The following CCNL2 variants were observed in gnomAD, a reference collection of about 807,000 sequenced individuals.
CCNL2 encodes the protein cyclin L2, also known as cyclin-L2.
In CCNL2, 28 loss-of-function variants were observed where a neutral mutation model predicts 59.1. The ratio of observed to expected loss-of-function variants is 0.47; its 90% confidence interval spans 0.35 to 0.65. The LOEUF (loss-of-function observed/expected upper bound fraction) is 0.65, where lower values mean the gene tolerates loss of function less well. Ranked by LOEUF, CCNL2 falls within the 30% of genes least tolerant of loss-of-function variation. The pLI is 0.00. For missense variants in CCNL2, 714 were observed against 717.4 expected, an observed-to-expected ratio of 1.00 and a Z score of 0.05; for synonymous variants, 342 against 288.6, an observed-to-expected ratio of 1.19 and a Z score of -1.88.
intron 4 of CCNL2, among the ~76,000 whole-genome samples, chr1:1,393,995 G>A (rs1471223542): frequency 1.3e-5 from 2 of 152,000 alleles, no homozygotes; most frequent in South Asian, 2.1e-4. Flanking sequence ...GCATGGTGGT[G>A]CACGCCTGTA....
At chr1:1,389,924 A>G (rs1016145625) in intron 8 of CCNL2, among the ~76,000 whole-genome samples, 10 of 152,164 alleles carry the variant, frequency 6.6e-5, no homozygotes, top group Non-Finnish European at 1.2e-4. Flanking sequence ...GCGCCACTGC[A>G]CTCCAGCCTG....
At position 1,391,247 on chromosome 1, in the gene CCNL2, T is replaced by A; in HGVS notation, c.660-382A>T. ...ACTGGAGTCACTAAAACGCTTTTGA[T>A]TAAAGAAATCTAAATGCTCAAAATC... is the stretch of plus-strand genomic sequence containing the variant. On this transcript the variant is annotated intron_variant, in intron 5 of 10. Transcript: ENST00000400809. 5 of 1,101,672 alleles carry A rather than the reference T, an allele frequency of 4.5e-6. No homozygotes were observed. The South Asian group carries it at 1.2e-4, about 26-fold the overall frequency. 68.2% of individuals were successfully genotyped at this position (1,101,672 alleles called of 1,614,324 possible). A position where few individuals can be genotyped will look rare whatever the true frequency, so the allele number is the denominator to read the frequency against.
In CCNL2 at chr1:1,387,065, T is replaced by C; in HGVS notation, c.*166A>G. On this transcript the variant is annotated 3_prime_UTR_variant, in exon 11 of 11. Coordinates refer to ENST00000400809, the MANE Select transcript of CCNL2 (RefSeq NM_030937.6). ...CCGGTCCCTCAGTTCCATTTCCAAA[T>C]CCACCAAGGTCCAGTCGACAGACAT... is the stretch of plus-strand genomic sequence containing the variant. The C allele has an allele frequency of 1.7e-6, 1 of 591,626 alleles. No individual in the cohort carries two copies. The highest frequency in any genetic ancestry group is 2.9e-6 in the Non-Finnish European group (1 of 341,706). 36.6% of individuals were successfully genotyped at this position (591,626 alleles called of 1,614,324 possible). A position where few individuals can be genotyped will look rare whatever the true frequency, so the allele number is the denominator to read the frequency against.
chr1:1,390,366 A>T lies in CCNL2; in HGVS notation c.870T>A (p.Asp290Glu). The T allele has an allele frequency of 6.2e-7, 1 of 1,612,496 alleles. No individual in the cohort carries two copies. Among genetic ancestry groups the T allele is most frequent in the Non-Finnish European group, 8.5e-7 (1 of 1,178,646 alleles). ...CCACTTCACCCTCCAGGTGTGTGAG[A>T]TCAACCTGCAAAAGCCAGAAGGTGT... is the stretch of plus-strand genomic sequence containing the variant. The part of the protein sequence containing the change: ...ILQLYARKKV[D>E]LTHLEGEVEK... Residue 290 changes from aspartate (D) to glutamate (E), a missense_variant, in exon 8 of 11, where the codon GAT (aspartate) becomes GAA (glutamate). This residue lies in a region of CCNL2 where 403 missense variants were observed against 377.7 expected (regional missense o/e 1.07). Transcript: ENST00000400809.
intron 5 of CCNL2, 28 bp from the exon 6 acceptor site, chr1:1,390,893 A>G: frequency 6.3e-7 from 1 of 1,582,106 alleles, no homozygotes; most frequent in Non-Finnish European, 8.7e-7. Context: ...GAAGAACTGC[A>G]ATGCCCCACC....
At chr1:1,394,176 T>C (rs927413251) in intron 4 of CCNL2, among the ~76,000 whole-genome samples, 3 of 150,092 alleles carry the variant, frequency 2.0e-5, no homozygotes, top group East Asian at 3.9e-4. Flanking sequence ...TGTGGATAAT[T>C]TGAACAGATG....
rs775369641 is a variant in CCNL2 at position 1,393,425 on chromosome 1, C to T, written c.630G>A (p.Glu210=). ...IVMYLQVLEC[E]RNQHLVQTSW... ...AGGTCTGGACCAGGTGTTGGTTACG[C>T]TCACACTCTAACACCTGAAGGTACA... The change falls in exon 5 of 11, where the codon GAG becomes GAA. Residue 210 remains glutamate (E), a synonymous_variant. Coordinates refer to ENST00000400809, the MANE Select transcript of CCNL2 (RefSeq NM_030937.6). 5.6e-6 allele frequency: 9 copies of T among 1,614,170 alleles called. 1 individual carries two copies. Among genetic ancestry groups the T allele is most frequent in the East Asian group, 2.2e-5 (1 of 44,888 alleles).
Position 1,386,227 on chromosome 1 carries a change from C to T in CCNL2, c.*1004G>A, listed in dbSNP as rs959294888. 1 of 152,262 alleles carries T rather than the reference C, an allele frequency of 6.6e-6. No homozygotes were observed. The highest frequency in any genetic ancestry group is 2.1e-4 in the South Asian group (1 of 4,828). 9.4% of individuals were successfully genotyped at this position (152,262 alleles called of 1,614,324 possible). On this transcript the variant is annotated 3_prime_UTR_variant, in exon 11 of 11. Transcript: ENST00000400809. ...GTTACAAACCAGTCCCCCTCAGGAA[C>T]GAGAGCACCTTGGAATCATTCTGTG...
chr1:1,393,752 G>C (rs1644866543), intron 4 of CCNL2, among the ~76,000 whole-genome samples: 1 of 152,308 alleles, frequency 6.6e-6, no homozygotes, highest in African/African-American at 2.4e-5. Context: ...CCACCAGTGA[G>C]GTTGGCCTGT....
rs1232949119 is a variant in CCNL2, at chr1:1,386,015, A to G, written c.*1216T>C. ...CCACTAGCCCCGGCCTATATGTCCC[A>G]CTGCCCTAGTAAGTCCAAACGGTAC... On this transcript the variant is annotated 3_prime_UTR_variant, in exon 11 of 11. Transcript: ENST00000400809. 2.0e-5 allele frequency: 3 copies of G among 152,180 alleles called. No homozygotes were observed. The highest frequency in any genetic ancestry group is 4.4e-5 in the Non-Finnish European group (3 of 68,030). The allele number at this position is 152,180 out of a possible 1,614,324, so 9.4% of individuals were successfully genotyped here.
In CCNL2 at chr1:1,399,087, CTG is replaced by C; in HGVS notation, c.218_219del (p.Thr73ArgfsTer98). ...PSMSSGLDTDTETDLRVVGCE... is the reference protein window; with the variant it reads ...PSMSSGLDTDXETDLRVVGCE... ...CAGCCCACCACGCGGAGGTCGGTCT[CTG>C]TGTCGGTGTCGAGGCCGCTCGACAT... On this transcript the variant is annotated frameshift_variant, in exon 1 of 11. Transcript: ENST00000400809. LOFTEE classifies it high-confidence loss of function. 1.9e-6 allele frequency: 3 copies of C among 1,611,726 alleles called. No individual in the cohort carries two copies. Among genetic ancestry groups the C allele is most frequent in the Non-Finnish European group, 2.5e-6 (3 of 1,179,404 alleles).
chr1:1,391,408 G>A (rs1644754909), intron 5 of CCNL2: 1 of 1,191,630 alleles, frequency 8.4e-7, no homozygotes, highest in African/African-American at 1.6e-5. Context: ...CTTCTCTGCT[G>A]ACCGAGCTGC....
chr1:1,387,423 C>T lies in CCNL2; in HGVS notation c.1371G>A (p.Lys457=). Residue 457 remains lysine (K), a synonymous_variant, in exon 11 of 11, where the codon AAG becomes AAA. Coordinates refer to ENST00000400809, the MANE Select transcript of CCNL2 (RefSeq NM_030937.6). ...RKSKDCKYPQ[K]PHKSRSRSSS... ...AACTCCGGCTCCGAGACTTGTGTGG[C>T]TTCTGGGGGTACTTGCAGTCCTTGG... The T allele has an allele frequency of 6.2e-7, 1 of 1,613,848 alleles. No homozygotes were observed. Among genetic ancestry groups the T allele is most frequent in the Non-Finnish European group, 8.5e-7 (1 of 1,179,976 alleles).
intron 3 of CCNL2, among the ~76,000 whole-genome samples, chr1:1,396,569 CTG>C (rs1645035582): frequency 8.8e-6 from 1 of 114,280 alleles, no homozygotes; most frequent in African/African-American, 3.6e-5. Flanking sequence ...CTCGGCAAGG[CTG>C]TTTTTTTTTT....
intron 5 of CCNL2, chr1:1,391,355 T>A: frequency 8.6e-7 from 1 of 1,169,350 alleles, no homozygotes; most frequent in Non-Finnish European, 1.1e-6. Flanking sequence ...GCCATCCTCT[T>A]GGGTTCCTCT....
At chr1:1,391,244 T>A in intron 5 of CCNL2, 1 of 1,102,570 alleles carries the variant, frequency 9.1e-7, no homozygotes. Context: ...AAAACGCTTT[T>A]GATTAAAGAA....
intron 1 of CCNL2, 34 bp downstream of exon 1, chr1:1,398,985 T>G (rs745802105): frequency 7.7e-5 from 120 of 1,564,704 alleles, no homozygotes; most frequent in Middle Eastern, 1.9e-4. Flanking sequence ...CCCCAGCGGT[T>G]ACCTGGGCCG....
intron 8 of CCNL2, 104 bp downstream of exon 8, chr1:1,390,126 A>AG (rs1395224127): frequency 3.3e-6 from 4 of 1,204,956 alleles, no homozygotes; most frequent in Admixed American, 2.6e-5. Context: ...AAAAAAAAAA[A>AG]AAAAAAATGT....
chr1:1,387,276 A>C lies in CCNL2; in HGVS notation c.1518T>G (p.Arg506=), dbSNP rs1644500722. 1.9e-6 allele frequency: 3 copies of C among 1,612,026 alleles called. No individual in the cohort carries two copies. The highest frequency in any genetic ancestry group is 2.5e-6 in the Non-Finnish European group (3 of 1,179,994). Residue 506 remains arginine (R), a synonymous_variant, in exon 11 of 11, where the codon CGT becomes CGG. Coordinates refer to ENST00000400809, the MANE Select transcript of CCNL2 (RefSeq NM_030937.6). ...ERSRSYERTG[R]RYERDHPGHS... is the part of the protein sequence containing the mutation. ...GCCCAGGGTGGTCCCGCTCATAGCG[A>C]CGGCCTGTGCGTTCATACGACCTCG...
Sources: allele counts gnomAD v4.1 joint callset (sites outside exome capture counted in the v4.1 genomes callset), GRCh38; gene constraint gnomAD v4.1.1; regional missense constraint gnomAD v4.1.1; transcripts MANE v1.5; gene names NCBI Gene and HGNC (gene_info 2026-07-23, HGNC 2026-07-21).